The following OTUD4 variants were observed in gnomAD, a reference collection of about 807,000 sequenced individuals.
OTUD4 encodes OTU domain-containing protein 4.
Under a neutral mutation model 130.4 loss-of-function variants are expected in OTUD4, and 24 were observed. That is an observed-to-expected ratio of 0.18 (90% confidence interval 0.13 to 0.26). OTUD4 has a LOEUF of 0.26. Ranked by LOEUF, OTUD4 falls within the 10% of genes least tolerant of loss-of-function variation. The probability of loss-of-function intolerance (pLI) is 1.00; values close to 1 mark genes in which losing one functional copy is unlikely to be tolerated. For synonymous variants in OTUD4, 420 were observed against 472.5 expected, an observed-to-expected ratio of 0.89 and a Z score of 1.44; for missense variants, 1,031 against 1,329.4, an observed-to-expected ratio of 0.78 and a Z score of 3.49.
rs1751790940 is a variant in OTUD4 at position 145,165,271 on chromosome 4, C to CCTT, written c.295-77_295-75dup. ...ATTCCACTTTATATTTCTATACATA[C>CCTT]CTTCATACAGCATACGTAATGAGTT... On this transcript the variant is annotated intron_variant, in intron 3 of 20. Transcript: ENST00000447906. 6 of 883,012 alleles carry CCTT rather than the reference C, an allele frequency of 6.8e-6. No homozygotes were observed. In the Admixed American group the frequency reaches 1.2e-4, roughly 18 times the overall value. The allele number at this position is 883,012 out of a possible 1,614,324, so 54.7% of individuals were successfully genotyped here.
intron 1 of OTUD4, 35 bp downstream of exon 1, chr4:145,179,780 T>TC (rs772960132): frequency 2.2e-5 from 7 of 315,508 alleles, no homozygotes; most frequent in Admixed American, 1.1e-4. Flanking sequence ...CGTCCCCGCC[T>TC]CCCCTCGAAG....
intron 7 of OTUD4, among the ~76,000 whole-genome samples, chr4:145,157,806 C>T (rs889568012): frequency 1.3e-5 from 2 of 151,816 alleles, no homozygotes; most frequent in African/African-American, 4.8e-5. Context: ...TCTTCTTACA[C>T]ACCTGCTCTA....
chr4:145,162,029 G>A (rs953355023), intron 6 of OTUD4, among the ~76,000 whole-genome samples: 5 of 152,154 alleles, frequency 3.3e-5, no homozygotes, highest in African/African-American at 1.2e-4. Flanking sequence ...CTGGAGTGTA[G>A]TGGCACAATA....
chr4:145,148,950 TTCTG>T (rs1178130205), intron 13 of OTUD4, among the ~76,000 whole-genome samples: 17 of 152,228 alleles, frequency 1.1e-4, no homozygotes, highest in African/African-American at 3.9e-4. Flanking sequence ...GTGGCATAAA[TTCTG>T]TCTGTTTGGG....
chr4:145,138,026 C>A lies in OTUD4; in HGVS notation c.2749G>T (p.Gly917Cys). The stretch of plus-strand genomic sequence containing the variant: ...TCAGGGAGAGAATGTACATGTTCAC[C>A]CCTGGCTTCTGGAAACTCATCTACT... Reference protein sequence around the residue: ...STVDEFPEARGEHVHSLPEAS... With the variant: ...STVDEFPEARCEHVHSLPEAS... The change falls in exon 21 of 21, where the codon GGT becomes TGT. Residue 917 changes from glycine to cysteine, a missense_variant. Coordinates refer to ENST00000447906, the MANE Select transcript of OTUD4 (RefSeq NM_001366057.1). 6.2e-7 allele frequency: 1 copy of A among 1,614,196 alleles called. No individual in the cohort carries two copies. Among genetic ancestry groups the A allele is most frequent in the East Asian group, 2.2e-5 (1 of 44,862 alleles).
At chr4:145,177,431 G>C (rs887367163) in intron 1 of OTUD4, among the ~76,000 whole-genome samples, 2 of 152,216 alleles carry the variant, frequency 1.3e-5, no homozygotes, top group Non-Finnish European at 2.9e-5. Context: ...AGCACTGCAA[G>C]AAAAGCAAGG....
chr4:145,139,934 T>C lies in OTUD4; in HGVS notation c.2124+17A>G. The stretch of plus-strand genomic sequence containing the variant: ...TTAATGAATAAAATAACTTTTAAGA[T>C]GATAAAATGTAAATACCTTCACACC... On this transcript the variant is annotated intron_variant, in intron 20 of 20. Transcript: ENST00000447906. The C allele has an allele frequency of 1.3e-6, 1 of 759,708 alleles. No individual in the cohort carries two copies. Among genetic ancestry groups the C allele is most frequent in the Non-Finnish European group, 2.1e-6 (1 of 472,936 alleles). 47.1% of individuals were successfully genotyped at this position (759,708 alleles called of 1,614,324 possible). A position where few individuals can be genotyped will look rare whatever the true frequency, so the allele number is the denominator to read the frequency against.
intron 10 of OTUD4, among the ~76,000 whole-genome samples, chr4:145,154,146 T>G (rs530958916): frequency 1.3e-5 from 2 of 152,360 alleles, no homozygotes; most frequent in East Asian, 3.9e-4. Context: ...CCATCTTCTC[T>G]TTTGAGAAGG....
At chr4:145,166,155 C>T (rs1008822378) in intron 3 of OTUD4, among the ~76,000 whole-genome samples, 7 of 147,666 alleles carry the variant, frequency 4.7e-5, no homozygotes, top group African/African-American at 1.2e-4. Flanking sequence ...GAGCAAAACT[C>T]GGTCTCAAAA....
At chr4:145,173,373 G>A (rs780947304) in intron 2 of OTUD4, among the ~76,000 whole-genome samples, 1 of 151,426 alleles carries the variant, frequency 6.6e-6, no homozygotes, top group Non-Finnish European at 1.5e-5. Context: ...CAGCCTGGGC[G>A]ACAGAGCGAG....
Position 145,137,344 on chromosome 4 carries a change from G to A in OTUD4, c.*86C>T, listed in dbSNP as rs758764542. The A allele has an allele frequency of 1.2e-5, 14 of 1,127,352 alleles. No individual in the cohort carries two copies. The highest frequency in any genetic ancestry group is 2.2e-5 in the Admixed American group (1 of 45,682). The allele number at this position is 1,127,352 out of a possible 1,614,324, so 69.8% of individuals were successfully genotyped here. A position where few individuals can be genotyped will look rare whatever the true frequency, so the allele number is the denominator to read the frequency against. On this transcript the variant is annotated 3_prime_UTR_variant, in exon 21 of 21. Transcript: ENST00000447906. ...GGGGAGAGGAAAGAGTTCCAACTGC[G>A]GTTTTTACTTTATTGTATTTTTTTT...
Position 145,155,447 on chromosome 4 carries a change from A to G in OTUD4, c.837T>C (p.Ala279=). The stretch of plus-strand genomic sequence containing the variant: ...CTCCAACTTCATATTGTAAGCCAGC[A>G]GCAATGGAATAATCACGTTTTTGCT... ...QAQQKRDYSI[A]AGLQYEVGDK... The change falls in exon 10 of 21, where the codon GCT becomes GCC. Residue 279 remains alanine, a synonymous_variant. Transcript: ENST00000447906. 1 of 1,611,872 alleles carries G rather than the reference A, an allele frequency of 6.2e-7. No homozygotes were observed. The highest frequency in any genetic ancestry group is 8.5e-7 in the Non-Finnish European group (1 of 1,179,406).
chr4:145,155,803 AC>A, intron 8 of OTUD4, 117 bp from the exon 9 acceptor site: 1 of 993,778 alleles, frequency 1.0e-6, no homozygotes, highest in South Asian at 1.7e-5. Flanking sequence ...TTAGGAAGCC[AC>A]CAAATCAATT....
At chr4:145,141,168 CAAAAA>C (rs1200809073) in intron 19 of OTUD4, among the ~76,000 whole-genome samples, 1 of 54,894 alleles carries the variant, frequency 1.8e-5, no homozygotes, top group Non-Finnish European at 4.0e-5. Flanking sequence ...GACTCCGTCT[CAAAAA>C]AAAAAAAAAA....
chr4:145,152,895 TTTC>T (rs1319653889), intron 10 of OTUD4, among the ~76,000 whole-genome samples: 3 of 151,662 alleles, frequency 2.0e-5, no homozygotes, highest in African/African-American at 4.8e-5. Context: ...TTTTTTTTTT[TTTC>T]TTTTTTTTGT....
chr4:145,171,974 T>C (rs1752191608), intron 2 of OTUD4, among the ~76,000 whole-genome samples: 1 of 152,180 alleles, frequency 6.6e-6, no homozygotes, highest in Non-Finnish European at 1.5e-5. Context: ...TGACTCAAGA[T>C]GAATGCTGGA....
chr4:145,172,497 G>A (rs990964987), intron 2 of OTUD4, among the ~76,000 whole-genome samples: 1 of 152,176 alleles, frequency 6.6e-6, no homozygotes, highest in Non-Finnish European at 1.5e-5. Context: ...TTCAAGCTGT[G>A]TAATAACACA....
intron 7 of OTUD4, among the ~76,000 whole-genome samples, chr4:145,157,577 G>A (rs760954137): frequency 4.6e-5 from 7 of 151,746 alleles, no homozygotes; most frequent in Non-Finnish European, 8.8e-5. Context: ...CTAGCTACTC[G>A]GGAGGCTGAG....
At position 145,179,981 on chromosome 4, in the gene OTUD4, G is replaced by A. The variant is rs1752616564; in HGVS notation, c.-8C>T. ...GCCGACGGCAGCCTCCATGTTGCTG[G>A]TCCTGCTGCAGGCCAGGCGCGGCGA... is the stretch of plus-strand genomic sequence containing the variant. On this transcript the variant is annotated 5_prime_UTR_variant, in exon 1 of 21. Transcript: ENST00000447906. The A allele has an allele frequency of 6.7e-7, 1 of 1,503,324 alleles. No individual in the cohort carries two copies. The highest frequency in any genetic ancestry group is 1.2e-5 in the South Asian group (1 of 81,722). The allele number at this position is 1,503,324 out of a possible 1,614,324, so 93.1% of individuals were successfully genotyped here. A position where few individuals can be genotyped will look rare whatever the true frequency, so the allele number is the denominator to read the frequency against.
Sources: allele counts gnomAD v4.1 joint callset (sites outside exome capture counted in the v4.1 genomes callset), GRCh38; gene constraint gnomAD v4.1.1; transcripts MANE v1.5; gene names NCBI Gene and HGNC (gene_info 2026-07-23, HGNC 2026-07-21).